The following COL3A1 variants were observed in gnomAD, a reference collection of about 807,000 sequenced individuals.
The protein encoded by COL3A1 is collagen type III alpha 1 chain.
In COL3A1, 46 loss-of-function variants were observed where a neutral mutation model predicts 200.9. That is an observed-to-expected ratio of 0.23 (90% CI 0.18 to 0.29). COL3A1 has a LOEUF of 0.29. Ranked by LOEUF, COL3A1 falls within the 10% of genes least tolerant of loss-of-function variation. COL3A1 has a pLI of 1.00. For missense variants in COL3A1, 1,367 were observed against 1,917.6 expected, an observed-to-expected ratio of 0.71 and a Z score of 5.36; for synonymous variants, 650 against 628.0, an observed-to-expected ratio of 1.03 and a Z score of -0.52.
At chr2:189,011,539 G>C (rs1688725507) in intron 50 of COL3A1, 89 bp from the exon 51 acceptor site, 1 of 1,470,300 alleles carries the variant, frequency 6.8e-7, no homozygotes. Flanking sequence ...TGCTTCTTTA[G>C]AGTAAAAAGG....
intron 1 of COL3A1, among the ~76,000 whole-genome samples, chr2:188,976,877 C>A (rs1687830596): frequency 6.6e-6 from 1 of 152,150 alleles, no homozygotes; most frequent in South Asian, 2.1e-4. Context: ...GGCTGACAAG[C>A]CAGGTTACCA....
Position 189,011,882 on chromosome 2 carries a change from A to G in COL3A1, c.*108A>G. 4.0e-6 allele frequency: 5 copies of G among 1,253,044 alleles called. No homozygotes were observed. Among genetic ancestry groups the G allele is most frequent in the African/African-American group, 1.5e-5 (1 of 66,922 alleles). 77.6% of individuals were successfully genotyped at this position (1,253,044 alleles called of 1,614,324 possible). On this transcript the variant is annotated 3_prime_UTR_variant, in exon 51 of 51. Transcript: ENST00000304636. ...GTGACCGACAAAATTCCAGTTATTT[A>G]TTTCCAAAATGTTTGGAAACAGTAT...
Position 188,992,892 on chromosome 2 carries a change from T to C in COL3A1, c.1002T>C (p.Pro334=). 1 of 1,613,982 alleles carries C rather than the reference T, an allele frequency of 6.2e-7. No homozygotes were observed. Among genetic ancestry groups the C allele is most frequent in the Non-Finnish European group, 8.5e-7 (1 of 1,179,892 alleles). The part of the protein sequence containing the change: ...GARGSDGQPG[P]PGPPGTAGFP... ...ATTGTATTTAATTTTTTCAGGGCCC[T>C]CCTGGTCCTCCTGGAACTGCCGGAT... The change falls in exon 15 of 51, where the codon CCT becomes CCC. Residue 334 remains proline, a synonymous_variant. Transcript: ENST00000304636.
intron 23 of COL3A1, 100 bp downstream of exon 23, chr2:188,996,278 ATATATG>A (rs1559057177): frequency 6.1e-5 from 50 of 825,074 alleles, no homozygotes; most frequent in Non-Finnish European, 8.6e-5. Flanking sequence ...GTGTATATAT[ATATATG>A]TATATGTATA....
At position 189,001,550 on chromosome 2, in the gene COL3A1, C is replaced by T. The variant is rs1688463792; in HGVS notation, c.2352C>T (p.Ala784=). The change falls in exon 34 of 51, where the codon GCC becomes GCT. Residue 784 remains alanine (A), a synonymous_variant. Coordinates refer to ENST00000304636, the MANE Select transcript of COL3A1 (RefSeq NM_000090.4). ...TCTTTTTCCAGGGTGAAGGTGGTGC[C>T]CCCGGACTTCCAGGTATAGCTGGAC... ...GQPGDKGEGG[A]PGLPGIAGPR... The T allele has an allele frequency of 6.2e-7, 1 of 1,613,908 alleles. No homozygotes were observed. Among genetic ancestry groups the T allele is most frequent in the South Asian group, 1.1e-5 (1 of 91,066 alleles).
rs41263753 is a variant in COL3A1, at chr2:188,996,670, T to A, written c.1761+174T>A. Among the ~76,000 whole-genome samples the A allele has an allele frequency of 0.27, 36,410 of 136,124 alleles. 4,494 individuals carry two copies. The highest frequency in any genetic ancestry group is 0.34 in the South Asian group (1,579 of 4,604). The allele number at this position is 136,124 out of a possible 152,430, so 89.3% of individuals were successfully genotyped here. On this transcript the variant is annotated intron_variant, in intron 24 of 50. Coordinates refer to ENST00000304636, the MANE Select transcript of COL3A1 (RefSeq NM_000090.4). ...ATATATAATTGGTTATGGTTGTATG[T>A]GTGTGTATGGAGCAGGCAGATAAAA... is the stretch of plus-strand genomic sequence containing the variant.
intron 38 of COL3A1, 65 bp downstream of exon 38, chr2:189,003,852 A>T (rs114334937): frequency 2.5e-6 from 4 of 1,588,502 alleles, no homozygotes; most frequent in Non-Finnish European, 3.5e-6. Context: ...TATGTATAGG[A>T]TGAGAAACTT....
intron 1 of COL3A1, among the ~76,000 whole-genome samples, chr2:188,977,190 C>T (rs1878202): frequency 0.26 from 39,286 of 151,906 alleles, 5,247 homozygotes; most frequent in Middle Eastern, 0.37. Flanking sequence ...GTATTTTATT[C>T]ACTGCTTAAT....
intron 1 of COL3A1, among the ~76,000 whole-genome samples, chr2:188,980,331 A>AAATCT (rs1482239894): frequency 6.6e-6 from 1 of 150,436 alleles, no homozygotes; most frequent in Non-Finnish European, 1.5e-5. Flanking sequence ...TAATCAACTT[A>AAATCT]AAGGACATTT....
chr2:189,010,443 A>G, intron 49 of COL3A1, 78 bp downstream of exon 49: 1 of 1,563,626 alleles, frequency 6.4e-7, no homozygotes, highest in Admixed American at 1.7e-5. Context: ...ATCACAAAGC[A>G]AAGTTACTAG....
rs755953789 is a variant in COL3A1 at position 189,005,366 on chromosome 2, C to A, written c.2948C>A (p.Pro983Gln). 1.2e-6 allele frequency: 2 copies of A among 1,613,852 alleles called. No homozygotes were observed. Among genetic ancestry groups the A allele is most frequent in the Non-Finnish European group, 1.7e-6 (2 of 1,179,910 alleles). ...PQGVKGESGKPGANGLSGERG... is the reference protein window; with the variant it reads ...PQGVKGESGKQGANGLSGERG... ...TGTATACAGGGTGAAAGTGGGAAACCAGGAGCTAACGGTCTCAGTGGAGAA... is the reference window on the plus strand; with the variant it reads ...TGTATACAGGGTGAAAGTGGGAAACAAGGAGCTAACGGTCTCAGTGGAGAA... Residue 983 changes from proline to glutamine, a missense_variant, in exon 41 of 51, where the codon CCA becomes CAA. Pro to Gln is a moderately conservative substitution (Grantham distance 76). Around this residue, in one of 5 missense-constraint regions of COL3A1, gnomAD observed 846 missense variants for 1,147.9 expected, o/e 0.74. Coordinates refer to ENST00000304636, the MANE Select transcript of COL3A1 (RefSeq NM_000090.4).
chr2:188,995,671 A>T (rs534166584), intron 21 of COL3A1, 21 bp from the exon 22 acceptor site: 291 of 1,528,324 alleles, frequency 1.9e-4, no homozygotes, highest in East Asian at 2.5e-4. Context: ...TAATTTTTTT[A>T]AAATTTCTTT....
intron 38 of COL3A1, 24 bp downstream of exon 38, chr2:189,003,811 CTCA>C (rs1364672932): frequency 6.2e-7 from 1 of 1,612,504 alleles, no homozygotes; most frequent in Non-Finnish European, 8.5e-7. Flanking sequence ...AAAGTCTTTT[CTCA>C]TCATACACTT....
Position 189,003,464 on chromosome 2 carries a change from T to A in COL3A1, c.2607T>A (p.Pro869=), listed in dbSNP as rs376643618. Residue 869 remains proline (P), a splice_region_variant and synonymous_variant, in exon 37 of 51, where the codon CCT becomes CCA. Transcript: ENST00000304636. ...GTGAACGTGGCAGTCCTGGTGGACC[T>A]GTAAGTATTGATCCTCTTAACTATT... ...VKGERGSPGG[P]GAAGFPGARG... 36 of 1,613,292 alleles carry A rather than the reference T, an allele frequency of 2.2e-5. No homozygotes were observed. Among genetic ancestry groups the A allele is most frequent in the Admixed American group, 6.7e-5 (4 of 60,004 alleles).
intron 41 of COL3A1, 152 bp from the exon 42 acceptor site, chr2:189,006,054 G>A (rs1310823123): frequency 1.3e-6 from 1 of 746,804 alleles, no homozygotes; most frequent in African/African-American, 1.7e-5. Context: ...CCCTTTGAAG[G>A]GCCACACTGC....
chr2:188,989,630 ATATCAT>A (rs1287107164), intron 8 of COL3A1, among the ~76,000 whole-genome samples, 181 bp downstream of exon 8: 1 of 152,164 alleles, frequency 6.6e-6, no homozygotes. Flanking sequence ...GTTTCTATAT[ATATCAT>A]TTGTTGAATT....
At chr2:189,003,498 G>A (rs748370675) in intron 37 of COL3A1, 34 bp downstream of exon 37, 12 of 1,591,596 alleles carry the variant, frequency 7.5e-6, no homozygotes, top group Non-Finnish European at 1.0e-5. Context: ...TTATTGAAAA[G>A]CATTAATTGA....
rs2271680 is a variant in COL3A1 at position 188,997,626 on chromosome 2, G to A, written c.1870-74G>A. 0.042 allele frequency: 61,080 copies of A among 1,445,742 alleles called. 5,169 individuals carry two copies. Among genetic ancestry groups the A allele is most frequent in the African/African-American group, 0.35 (25,201 of 71,050 alleles). 89.6% of individuals were successfully genotyped at this position (1,445,742 alleles called of 1,614,324 possible). A position where few individuals can be genotyped will look rare whatever the true frequency, so the allele number is the denominator to read the frequency against. ...CACTACTTTTATAATTAAGCAACAG[G>A]CCTGTTGAAATGGATACTGTAGACT... On this transcript the variant is annotated intron_variant, in intron 26 of 50. Transcript: ENST00000304636.
chr2:189,001,330 C>G, intron 32 of COL3A1, 67 bp from the exon 33 acceptor site: 1 of 1,463,520 alleles, frequency 6.8e-7, no homozygotes, highest in South Asian at 1.1e-5. Context: ...TATATACTTT[C>G]TGTTTGATTA....
Sources: gnomAD v4.1 joint callset for allele counts (sites outside exome capture counted in the v4.1 genomes callset) on GRCh38, gnomAD v4.1.1 for gene constraint, gnomAD v4.1.1 regional missense constraint, MANE v1.5 for transcripts, NCBI Gene and HGNC (gene_info 2026-07-23, HGNC 2026-07-21) for gene names.